TFPT: variants seen among roughly 807,000 people sequenced by gnomAD.
The protein encoded by TFPT is TCF3 fusion partner.
A neutral mutation model predicts 28.8 loss-of-function variants in TFPT; 27 were observed. That is an observed-to-expected ratio of 0.94 (90% CI 0.69 to 1.29). The LOEUF (loss-of-function observed/expected upper bound fraction) is 1.29. Ranked by LOEUF, TFPT falls within the 50% of genes most tolerant of loss-of-function variation. The probability of loss-of-function intolerance (pLI) is 0.00; values close to 1 mark genes in which losing one functional copy is unlikely to be tolerated. For synonymous variants in TFPT, 152 were observed against 142.8 expected, an observed-to-expected ratio of 1.06 and a Z score of -0.46; for missense variants, 330 against 338.0, an observed-to-expected ratio of 0.98 and a Z score of 0.19.
chr19:54,109,960 T>C (rs879134447), intron 3 of TFPT, 91 bp downstream of exon 3: 45 of 1,159,146 alleles, frequency 3.9e-5, no homozygotes, highest in Non-Finnish European at 5.3e-5. Flanking sequence ...CTTGTGAGGG[T>C]TGGGTGGATG....
At position 54,108,032 on chromosome 19, in the gene TFPT, C is replaced by T. The variant is rs193019766; in HGVS notation, c.636G>A (p.Pro212=). Residue 212 remains proline (P), a synonymous_variant, in exon 5 of 6, where the codon CCG becomes CCA. Coordinates refer to ENST00000391759, the MANE Select transcript of TFPT (RefSeq NM_013342.4). Reference sequence around the variant, plus strand: ...GAGTTCCCGCCTTCCTCACCTGCACCGGGGCCAGCTCTGGAGTCAGCGCAT... The same window carrying T: ...GAGTTCCCGCCTTCCTCACCTGCACTGGGGCCAGCTCTGGAGTCAGCGCAT... ...AGNALTPELA[P]VQIKVEEDFG... 131 of 1,519,408 alleles carry T rather than the reference C, an allele frequency of 8.6e-5. No individual in the cohort carries two copies. The highest frequency in any genetic ancestry group is 4.3e-4 in the Admixed American group (19 of 44,578). The allele number at this position is 1,519,408 out of a possible 1,614,324, so 94.1% of individuals were successfully genotyped here.
chr19:54,113,409 TCA>T (rs2073510981), intron 2 of TFPT, among the ~76,000 whole-genome samples: 1 of 152,152 alleles, frequency 6.6e-6, no homozygotes, highest in South Asian at 2.1e-4. Flanking sequence ...TGGAAGATTC[TCA>T]CAACCCTGTC....
chr19:54,112,412 C>A (rs1441832358), intron 2 of TFPT, among the ~76,000 whole-genome samples: 25 of 152,080 alleles, frequency 1.6e-4, no homozygotes, highest in Non-Finnish European at 2.9e-5. Flanking sequence ...TCCGTTTGGG[C>A]CTTGGTGTCT....
intron 2 of TFPT, among the ~76,000 whole-genome samples, chr19:54,110,928 T>C (rs972216993): frequency 2.0e-5 from 3 of 152,308 alleles, no homozygotes; most frequent in Admixed American, 6.5e-5. Context: ...GCCTGGCACG[T>C]AGTACATCCT....
chr19:54,114,899 C>T, intron 1 of TFPT, 199 bp from the exon 2 acceptor site: 1 of 761,446 alleles, frequency 1.3e-6, no homozygotes, highest in Non-Finnish European at 2.1e-6. Flanking sequence ...GCAACCCACC[C>T]TTCGCAGCAC....
At position 54,110,124 on chromosome 19, in the gene TFPT, A is replaced by T. The variant is rs375452012; in HGVS notation, c.283-3T>A. On this transcript the variant is annotated splice_polypyrimidine_tract_variant and splice_region_variant and intron_variant, in intron 2 of 5. Transcript: ENST00000391759. Reference sequence around the variant, plus strand: ...CTGTTCAGGACCCGCTCGTTCACCTATGGGGTGGGAAACGCCCATCAGCTG... The same window carrying T: ...CTGTTCAGGACCCGCTCGTTCACCTTTGGGGTGGGAAACGCCCATCAGCTG... The T allele has an allele frequency of 6.2e-7, 1 of 1,614,074 alleles. No homozygotes were observed. Among genetic ancestry groups the T allele is most frequent in the South Asian group, 1.1e-5 (1 of 91,084 alleles).
intron 1 of TFPT, chr19:54,114,909 C>T: frequency 1.3e-6 from 1 of 743,318 alleles, no homozygotes; most frequent in Non-Finnish European, 2.1e-6. Flanking sequence ...CTTCGCAGCA[C>T]CCACAGGGTT....
rs1237063641 is a variant in TFPT at position 54,108,235 on chromosome 19, T to G, written c.433A>C (p.Ser145Arg). The change falls in exon 5 of 6, where the codon AGC (serine) becomes CGC (arginine). Residue 145 changes from serine (S) to arginine (R), a missense_variant. Transcript: ENST00000391759. ...QFTIVLEDEG[S>R]QGTDAPTPGN... is the part of the protein sequence containing the mutation. ...GGGGTGGGGGCATCCGTGCCCTGGCTGCCCTCATCCTGGCAGGCAGGAGGG... is the reference window on the plus strand; with the variant it reads ...GGGGTGGGGGCATCCGTGCCCTGGCGGCCCTCATCCTGGCAGGCAGGAGGG... The G allele has an allele frequency of 6.3e-7, 1 of 1,591,146 alleles. No individual in the cohort carries two copies. Among genetic ancestry groups the G allele is most frequent in the Non-Finnish European group, 8.6e-7 (1 of 1,167,994 alleles).
chr19:54,108,800 T>G, intron 3 of TFPT: 1 of 565,684 alleles, frequency 1.8e-6, no homozygotes, highest in Admixed American at 3.5e-5. Context: ...TCACCTCTTA[T>G]AAACACCCCC....
chr19:54,107,984 C>A (rs1384653313), intron 5 of TFPT, 42 bp downstream of exon 5: 1 of 1,506,456 alleles, frequency 6.6e-7, no homozygotes, highest in Non-Finnish European at 8.9e-7. Context: ...GGCGCCGGCT[C>A]TGGAGCCCCA....
chr19:54,114,950 A>G, intron 1 of TFPT: 3 of 669,038 alleles, frequency 4.5e-6, no homozygotes, highest in South Asian at 2.1e-5. Context: ...CCAGGATGCA[A>G]GAGTCCAGAC....
chr19:54,113,802 A>T (rs765494331), intron 2 of TFPT, among the ~76,000 whole-genome samples: 43 of 152,076 alleles, frequency 2.8e-4, no homozygotes, highest in Non-Finnish European at 6.0e-4. Flanking sequence ...AGCAATTCTC[A>T]TGCCTCAGCC....
intron 5 of TFPT, chr19:54,107,531 G>C (rs1376132796): frequency 3.2e-6 from 1 of 307,840 alleles, no homozygotes; most frequent in East Asian, 7.4e-5. Flanking sequence ...TTACAGGCAT[G>C]AGCCACTGCA....
chr19:54,115,115 G>T lies in TFPT; in HGVS notation c.23+132C>A, dbSNP rs2073585073. ...CAGGATGACCCCAGTCCATAAAAGGGTTCTAAGGTAAAGCAGTTGCATGAA... is the reference window on the plus strand; with the variant it reads ...CAGGATGACCCCAGTCCATAAAAGGTTTCTAAGGTAAAGCAGTTGCATGAA... On this transcript the variant is annotated intron_variant, in intron 1 of 5. Coordinates refer to ENST00000391759, the MANE Select transcript of TFPT (RefSeq NM_013342.4). 3.6e-6 allele frequency: 5 copies of T among 1,394,384 alleles called. No individual in the cohort carries two copies. The South Asian group carries it at 5.9e-5, about 16-fold the overall frequency. 86.4% of individuals were successfully genotyped at this position (1,394,384 alleles called of 1,614,324 possible). A position where few individuals can be genotyped will look rare whatever the true frequency, so the allele number is the denominator to read the frequency against.
intron 5 of TFPT, 170 bp from the exon 6 acceptor site, chr19:54,107,339 C>A: frequency 1.2e-6 from 1 of 864,452 alleles, no homozygotes; most frequent in African/African-American, 1.7e-5. Context: ...GCCTCTGCCT[C>A]CCAGGCTCAA....
intron 3 of TFPT, among the ~76,000 whole-genome samples, chr19:54,109,579 A>G (rs1207981786): frequency 2.0e-5 from 3 of 152,148 alleles, no homozygotes; most frequent in African/African-American, 7.2e-5. Flanking sequence ...GGAGACACAC[A>G]GTGGGAAGCT....
intron 3 of TFPT, 97 bp downstream of exon 3, chr19:54,109,954 T>G: frequency 4.3e-5 from 47 of 1,088,274 alleles, no homozygotes; most frequent in Middle Eastern, 2.6e-4. Context: ...TTGTGGCTTG[T>G]GAGGGTTGGG....
chr19:54,115,306 C>A lies in TFPT; in HGVS notation c.-37G>T. On this transcript the variant is annotated 5_prime_UTR_variant, in exon 1 of 6. Transcript: ENST00000391759. ...CCGGAAGCCCCGGGCCTCAGAGCTT[C>A]CGACCTCTTCAATCTGTAGGTTAAG... The A allele has an allele frequency of 1.9e-6, 3 of 1,613,846 alleles. No homozygotes were observed. Among genetic ancestry groups the A allele is most frequent in the Non-Finnish European group, 2.5e-6 (3 of 1,180,026 alleles).
At position 54,110,059 on chromosome 19, in the gene TFPT, C is replaced by A. The variant is rs138024173; in HGVS notation, c.345G>T (p.Gln115His). The change falls in exon 3 of 6, where the codon CAG (glutamine) becomes CAT (histidine). Residue 115 changes from glutamine (Q) to histidine (H), a missense_variant. Physicochemically the swap from Gln to His is conservative, Grantham distance 24. Coordinates refer to ENST00000391759, the MANE Select transcript of TFPT (RefSeq NM_013342.4). ...QVQRITRRLQ[Q>H]ERRFLMRVLD... ...GACAGAGAAGGGGTTACCTCCGTTC[C>A]TGCTGCAGCCTCCGAGTTATCCTCT... 10 of 1,614,040 alleles carry A rather than the reference C, an allele frequency of 6.2e-6. No homozygotes were observed. In the African/African-American group the frequency reaches 1.3e-4, roughly 22 times the overall value.
Sources: gnomAD v4.1 joint callset for allele counts (sites outside exome capture counted in the v4.1 genomes callset) on GRCh38, gnomAD v4.1.1 for gene constraint, MANE v1.5 for transcripts, NCBI Gene and HGNC (gene_info 2026-07-23, HGNC 2026-07-21) for gene names.